Variants in MTRF1 observed in about 807,000 individuals in gnomAD.
MTRF1 encodes peptide chain release factor 1, mitochondrial.
A neutral mutation model predicts 62.9 loss-of-function variants in MTRF1; 51 were observed. The observed-to-expected ratio is 0.81, with a 90% CI of 0.65 to 1.02. The LOEUF is 1.02. Ranked by LOEUF, MTRF1 falls within the 50% of genes least tolerant of loss-of-function variation. The pLI, the probability that MTRF1 is intolerant of heterozygous loss-of-function variation, is 0.00. For synonymous variants in MTRF1, 158 were observed against 181.9 expected, an observed-to-expected ratio of 0.87 and a Z score of 1.06; for missense variants, 446 against 530.0, an observed-to-expected ratio of 0.84 and a Z score of 1.56.
upstream of MTRF1, among the ~76,000 whole-genome samples, chr13:41,267,006 A>C (rs1413077323): frequency 6.6e-6 from 1 of 151,736 alleles, no homozygotes; most frequent in East Asian, 1.9e-4. Flanking sequence ...CAAAAAAAAA[A>C]AAAAAAAAAA....
In MTRF1 at chr13:41,246,102, T is replaced by A. The variant is rs75865288; in HGVS notation, c.698-5669A>T. On this transcript the variant is annotated intron_variant, in intron 5 of 9. Coordinates refer to ENST00000379480, the MANE Select transcript of MTRF1 (RefSeq NM_004294.4). ...TCCTCCCAGCTCCAGCTCATGTTCA[T>A]AACTGGCTCCCAAATTCCAGAGAAT... Among the ~76,000 whole-genome samples, 105 of 152,304 alleles carry A rather than the reference T, an allele frequency of 6.9e-4. No individual in the cohort carries two copies. In the East Asian group the frequency reaches 0.018, roughly 25 times the overall value.
intron 2 of MTRF1, among the ~76,000 whole-genome samples, chr13:41,259,162 T>C (rs956762895): frequency 6.6e-6 from 1 of 152,218 alleles, no homozygotes; most frequent in Non-Finnish European, 1.5e-5. Context: ...ATACACTGTG[T>C]GTAGAGCTGT....
chr13:41,301,970 AT>A, the MTRF1 span, among the ~76,000 whole-genome samples: 2 of 152,080 alleles, frequency 1.3e-5, no homozygotes, highest in African/African-American at 4.8e-5. Flanking sequence ...TCTTAAGACA[AT>A]TGTATTTAAA....
intron 6 of MTRF1, among the ~76,000 whole-genome samples, chr13:41,238,573 T>G: frequency 6.6e-6 from 1 of 152,130 alleles, no homozygotes; most frequent in South Asian, 2.1e-4. Context: ...AAAATCACCA[T>G]CTTGCAACTC....
chr13:41,251,298 TTCCATCCA>T (rs758325122), intron 5 of MTRF1, among the ~76,000 whole-genome samples: 51 of 152,186 alleles, frequency 3.4e-4, no homozygotes, highest in Admixed American at 7.2e-4. Flanking sequence ...AATCTAGCCT[TTCCATCCA>T]TCCATCCATC....
the MTRF1 span, among the ~76,000 whole-genome samples, chr13:41,292,872 G>T: frequency 6.6e-6 from 1 of 152,078 alleles, no homozygotes; most frequent in African/African-American, 2.4e-5. Context: ...GTAGTTCAGG[G>T]CTGCAGTGAA....
chr13:41,268,674 G>A, the MTRF1 span, among the ~76,000 whole-genome samples: 1 of 152,116 alleles, frequency 6.6e-6, no homozygotes, highest in African/African-American at 2.4e-5. Context: ...ATGAATTGAA[G>A]AAGAGTGTTC....
At chr13:41,286,872 A>G in the MTRF1 span, among the ~76,000 whole-genome samples, 2 of 152,232 alleles carry the variant, frequency 1.3e-5, no homozygotes, top group African/African-American at 4.8e-5. Flanking sequence ...TTATGTAATG[A>G]ACATGGGTTG....
At chr13:41,259,804 G>C (rs1297378405) in intron 2 of MTRF1, among the ~76,000 whole-genome samples, 1 of 151,988 alleles carries the variant, frequency 6.6e-6, no homozygotes, top group African/African-American at 2.4e-5. Context: ...ATCAATCCAG[G>C]CTGGTTTGAG....
intron 3 of MTRF1, 64 bp downstream of exon 3, chr13:41,254,465 G>C: frequency 1.7e-6 from 2 of 1,208,080 alleles, no homozygotes. Flanking sequence ...CCGAAGCAGA[G>C]TCTAGCAAAA....
chr13:41,272,044 A>G, the MTRF1 span, among the ~76,000 whole-genome samples: 1 of 152,226 alleles, frequency 6.6e-6, no homozygotes, highest in African/African-American at 2.4e-5. Context: ...CTCATCTGCC[A>G]TTACACATGC....
At chr13:41,260,419 A>T in intron 2 of MTRF1, 74 bp downstream of exon 2, 1 of 1,260,328 alleles carries the variant, frequency 7.9e-7, no homozygotes, top group Non-Finnish European at 1.1e-6. Context: ...ATCTGTACTT[A>T]CACACACGCA....
chr13:41,273,451 G>GT, the MTRF1 span, among the ~76,000 whole-genome samples: 1 of 152,286 alleles, frequency 6.6e-6, no homozygotes, highest in South Asian at 2.1e-4. Flanking sequence ...CAAGATTGAG[G>GT]ACACGCACCT....
At chr13:41,282,194 G>C in the MTRF1 span, among the ~76,000 whole-genome samples, 1 of 151,342 alleles carries the variant, frequency 6.6e-6, no homozygotes, top group African/African-American at 2.4e-5. Context: ...AGGCTGACCA[G>C]CTGGTAAGAA....
chr13:41,248,042 AT>A (rs771228354), intron 5 of MTRF1, among the ~76,000 whole-genome samples: 3 of 152,190 alleles, frequency 2.0e-5, no homozygotes, highest in Non-Finnish European at 1.5e-5. Context: ...TAGTTACCGT[AT>A]TAAAAGGCTG....
At chr13:41,291,923 A>G in the MTRF1 span, among the ~76,000 whole-genome samples, 13 of 152,202 alleles carry the variant, frequency 8.5e-5, no homozygotes, top group Admixed American at 3.3e-4. Flanking sequence ...AAAAATTAGA[A>G]ATCTAAAAGA....
At chr13:41,311,784 C>G in the MTRF1 span, among the ~76,000 whole-genome samples, 53 of 152,230 alleles carry the variant, frequency 3.5e-4, 1 homozygote, top group Non-Finnish European at 1.3e-4. Flanking sequence ...CGTGCGCTTC[C>G]TTTCCGCGGT....
At chr13:41,260,196 G>A (rs1348477348) in intron 2 of MTRF1, among the ~76,000 whole-genome samples, 1 of 152,006 alleles carries the variant, frequency 6.6e-6, no homozygotes, top group Non-Finnish European at 1.5e-5. Context: ...GCCAGCCTCA[G>A]TGGCTCGGTG....
At chr13:41,290,000 G>A in the MTRF1 span, among the ~76,000 whole-genome samples, 91 of 150,314 alleles carry the variant, frequency 6.1e-4, no homozygotes, top group African/African-American at 2.2e-3. Context: ...CTTTCCAAGA[G>A]TTTGTTGAAT....
Sources: allele counts gnomAD v4.1 joint callset (sites outside exome capture counted in the v4.1 genomes callset), GRCh38; gene constraint gnomAD v4.1.1; transcripts MANE v1.5; gene names NCBI Gene and HGNC (gene_info 2026-07-23, HGNC 2026-07-21).